Variants in SLC28A3 observed in about 807,000 individuals in gnomAD.
The protein encoded by SLC28A3 is solute carrier family 28 member 3.
In SLC28A3, 68 loss-of-function variants were observed where a neutral mutation model predicts 84.2. The observed-to-expected ratio is 0.81, with a 90% CI of 0.66 to 0.99. SLC28A3 has a LOEUF of 0.99. Ranked by LOEUF, SLC28A3 falls within the 50% of genes least tolerant of loss-of-function variation. SLC28A3 has a pLI of 0.00. For missense variants in SLC28A3, 712 were observed against 841.5 expected (o/e 0.85, Z 1.90); for synonymous variants, 267 against 303.6 (o/e 0.88, Z 1.25).
chr9:84,287,108 G>A (rs1825020670), intron 12 of SLC28A3, among the ~76,000 whole-genome samples: 1 of 152,108 alleles, frequency 6.6e-6, no homozygotes, highest in Non-Finnish European at 1.5e-5. Context: ...AGGGGCTGAG[G>A]TGGGAGGATC....
the SLC28A3 span, among the ~76,000 whole-genome samples, chr9:84,363,995 A>G: frequency 2.6e-5 from 4 of 152,036 alleles, no homozygotes; most frequent in East Asian, 1.9e-4. Flanking sequence ...GTAGGTGTAT[A>G]TATTTATGGG....
chr9:84,306,329 C>A (rs1432428653), intron 3 of SLC28A3, among the ~76,000 whole-genome samples: 2 of 152,174 alleles, frequency 1.3e-5, no homozygotes, highest in Non-Finnish European at 2.9e-5. Context: ...CTCCCCTTGG[C>A]CAGTGCCTCC....
At chr9:84,303,966 A>G (rs1184979043) in intron 4 of SLC28A3, among the ~76,000 whole-genome samples, 4 of 152,150 alleles carry the variant, frequency 2.6e-5, no homozygotes, top group African/African-American at 9.7e-5. Context: ...TCCCTCCCTC[A>G]AAGTACTTGT....
At chr9:84,325,068 T>G (rs1315997060) in intron 1 of SLC28A3, among the ~76,000 whole-genome samples, 1 of 152,260 alleles carries the variant, frequency 6.6e-6, no homozygotes, top group Non-Finnish European at 1.5e-5. Flanking sequence ...ATCATTGGTT[T>G]TGGATTTGAG....
chr9:84,363,275 A>G, the SLC28A3 span, among the ~76,000 whole-genome samples: 1 of 152,210 alleles, frequency 6.6e-6, no homozygotes, highest in Non-Finnish European at 1.5e-5. Context: ...AGAGACTGAG[A>G]AGGCACAGGC....
intron 1 of SLC28A3, among the ~76,000 whole-genome samples, chr9:84,325,273 A>C (rs1336584624): frequency 6.6e-6 from 1 of 152,166 alleles, no homozygotes; most frequent in Non-Finnish European, 1.5e-5. Context: ...CACATAATGT[A>C]ACATGAAAAA....
Position 84,294,205 on chromosome 9 carries a change from AT to A in SLC28A3, c.931del (p.Ile311LeufsTer10). On this transcript the variant is annotated frameshift_variant, in exon 9 of 18. Transcript: ENST00000376238. LOFTEE classifies it high-confidence loss of function. ...TCCCAGCCCCAGTACCTTTCTAATA[AT>A]CCACTGCATCAGTCCCAGGTAGTAC... ...MLYYLGLMQW[I>X]IRKVGWIMLV... The A allele has an allele frequency of 6.2e-7, 1 of 1,614,014 alleles. No homozygotes were observed. The highest frequency in any genetic ancestry group is 8.5e-7 in the Non-Finnish European group (1 of 1,179,894).
intron 1 of SLC28A3, among the ~76,000 whole-genome samples, chr9:84,320,779 C>T (rs1291510152): frequency 6.6e-6 from 1 of 151,938 alleles, no homozygotes; most frequent in Non-Finnish European, 1.5e-5. Flanking sequence ...CACTTGAGGT[C>T]AGGAGTCTGA....
At chr9:84,288,302 G>A in intron 11 of SLC28A3, 124 bp from the exon 12 acceptor site, 1 of 1,405,492 alleles carries the variant, frequency 7.1e-7, no homozygotes, top group African/African-American at 1.4e-5. Flanking sequence ...AGAAGACAAT[G>A]TTTCTTTGGA....
At chr9:84,329,673 T>G (rs1206996295) in intron 1 of SLC28A3, among the ~76,000 whole-genome samples, 1 of 151,140 alleles carries the variant, frequency 6.6e-6, no homozygotes, top group African/African-American at 2.4e-5. Context: ...CTCTGTCTTA[T>G]AAAAAAAAGA....
chr9:84,292,059 A>G (rs1252102217), intron 10 of SLC28A3, among the ~76,000 whole-genome samples: 1 of 152,206 alleles, frequency 6.6e-6, no homozygotes, highest in African/African-American at 2.4e-5. Context: ...ACCTAAAAGC[A>G]TTTTTCTTCA....
At chr9:84,361,005 A>G in the SLC28A3 span, among the ~76,000 whole-genome samples, 3 of 152,168 alleles carry the variant, frequency 2.0e-5, no homozygotes, top group Non-Finnish European at 4.4e-5. Flanking sequence ...CACTTGCTAA[A>G]TGAGCTGATT....
chr9:84,335,863 G>C (rs373409596), intron 1 of SLC28A3, among the ~76,000 whole-genome samples: 19 of 152,212 alleles, frequency 1.2e-4, no homozygotes, highest in South Asian at 6.2e-4. Flanking sequence ...CAGAGCCAGA[G>C]CAGCATTTAG....
At chr9:84,310,278 C>A (rs1410684567) in intron 2 of SLC28A3, 1 of 472,422 alleles carries the variant, frequency 2.1e-6, no homozygotes, top group African/African-American at 2.1e-5. Context: ...CTCAGCTAGC[C>A]CTTGCTCTAA....
Position 84,313,383 on chromosome 9 carries a change from G to T in SLC28A3, c.132C>A (p.Ser44Arg). Residue 44 changes from serine (S) to arginine (R), a missense_variant, in exon 2 of 18, where the codon AGC becomes AGA. Transcript: ENST00000376238. ...CCTGTTTGGTGTTTGTGTGCTCCCT[G>T]CTTTGCACAGCTCTGCTTCTTATTG... is the stretch of plus-strand genomic sequence containing the variant. ...NNSIRSRAVQ[S>R]REHTNTKQDE... 6.2e-7 allele frequency: 1 copy of T among 1,614,072 alleles called. No individual in the cohort carries two copies. Among genetic ancestry groups the T allele is most frequent in the East Asian group, 2.2e-5 (1 of 44,882 alleles).
intron 1 of SLC28A3, among the ~76,000 whole-genome samples, chr9:84,323,516 C>T (rs1826448275): frequency 6.6e-6 from 1 of 151,678 alleles, no homozygotes; most frequent in African/African-American, 2.4e-5. Flanking sequence ...CTTCCACCTC[C>T]TGGGTTCAAG....
chr9:84,338,381 C>G (rs1827052381), intron 1 of SLC28A3, among the ~76,000 whole-genome samples: 1 of 152,150 alleles, frequency 6.6e-6, no homozygotes, highest in African/African-American at 2.4e-5. Flanking sequence ...AAGACTCATA[C>G]TTATTAACTT....
At position 84,281,996 on chromosome 9, in the gene SLC28A3, G is replaced by A. The variant is rs60801719; in HGVS notation, c.1648-1114C>T. Among the ~76,000 whole-genome samples the A allele has an allele frequency of 3.3e-3, 508 of 152,128 alleles. 2 individuals carry two copies. Among genetic ancestry groups the A allele is most frequent in the African/African-American group, 0.012 (494 of 41,482 alleles). On this transcript the variant is annotated intron_variant, in intron 14 of 17. Transcript: ENST00000376238. ...CAAAAAACAAACAAAAAAAACATTA[G>A]CCAGGCATGATGGTGTGTGCCTGTA...
At chr9:84,306,507 T>C (rs1825796204) in intron 3 of SLC28A3, among the ~76,000 whole-genome samples, 1 of 152,238 alleles carries the variant, frequency 6.6e-6, no homozygotes, top group Admixed American at 6.5e-5. Flanking sequence ...TGTTTTGTTA[T>C]GAACCCATTA....
Sources: gnomAD v4.1 joint callset for allele counts (sites outside exome capture counted in the v4.1 genomes callset) on GRCh38, gnomAD v4.1.1 for gene constraint, MANE v1.5 for transcripts, NCBI Gene and HGNC (gene_info 2026-07-23, HGNC 2026-07-21) for gene names.